SGO2: variants seen among roughly 807,000 people sequenced by gnomAD.
SGO2 encodes shugoshin-like 2.
In SGO2, 68 loss-of-function variants were observed where a neutral mutation model predicts 99.5. The observed-to-expected ratio is 0.68, with a 90% CI of 0.56 to 0.84. SGO2 has a LOEUF of 0.84. Among genes scored for constraint, SGO2 ranks in the 40% least tolerant of loss-of-function variants. The pLI, the probability that SGO2 is intolerant of heterozygous loss-of-function variation, is 0.00. For synonymous variants in SGO2, 457 were observed against 487.1 expected, an observed-to-expected ratio of 0.94 and a Z score of 0.81; for missense variants, 1,350 against 1,436.7, an observed-to-expected ratio of 0.94 and a Z score of 0.97.
At chr2:200,579,612 G>C in intron 8 of SGO2, among the ~76,000 whole-genome samples, 1 of 152,144 alleles carries the variant, frequency 6.6e-6, no homozygotes, top group East Asian at 1.9e-4. Context: ...CATTTATGAA[G>C]ATAGTAATAT....
At position 200,572,199 on chromosome 2, in the gene SGO2, G is replaced by A. The variant is rs761165751; in HGVS notation, c.1853G>A (p.Arg618Gln). The A allele has an allele frequency of 1.2e-5, 20 of 1,612,308 alleles. No individual in the cohort carries two copies. The highest frequency in any genetic ancestry group is 1.6e-4 in the Middle Eastern group (1 of 6,080). ...AATAAGCTTAGAAAGAAAGTAAACC[G>A]GAAGACAGAAATAATTTCTGGAATG... is the stretch of plus-strand genomic sequence containing the variant. ...NINKLRKKVNRKTEIISGMNH... is the reference protein window; with the variant it reads ...NINKLRKKVNQKTEIISGMNH... The change falls in exon 7 of 9, where the codon CGG becomes CAG. Residue 618 changes from arginine (R) to glutamine (Q), a missense_variant. Arg to Gln is a conservative substitution (Grantham distance 43). Transcript: ENST00000357799.
chr2:200,572,822 T>A lies in SGO2; in HGVS notation c.2476T>A (p.Tyr826Asn), dbSNP rs747079697. ...SEIIPETNQI[Y>N]ENDNKGVHDL... ...AATAATTCCTGAAACCAACCAAATA[T>A]ATGAGAATGATAACAAAGGTGTACA... Residue 826 changes from tyrosine to asparagine, a missense_variant, in exon 7 of 9, where the codon TAT becomes AAT. By Grantham distance (143) the Tyr-to-Asn change is moderately radical. Coordinates refer to ENST00000357799, the MANE Select transcript of SGO2 (RefSeq NM_152524.6). 1 of 1,611,698 alleles carries A rather than the reference T, an allele frequency of 6.2e-7. No homozygotes were observed. Among genetic ancestry groups the A allele is most frequent in the South Asian group, 1.1e-5 (1 of 90,532 alleles).
At chr2:200,542,489 A>G in intron 4 of SGO2, 90 bp from the exon 5 acceptor site, 2 of 903,646 alleles carry the variant, frequency 2.2e-6, no homozygotes, top group Non-Finnish European at 1.7e-6. Flanking sequence ...TTCTTTTACT[A>G]TTAATGTCAT....
intron 5 of SGO2, among the ~76,000 whole-genome samples, chr2:200,561,813 T>TG (rs1466139157): frequency 1.3e-5 from 2 of 152,228 alleles, no homozygotes; most frequent in African/African-American, 4.8e-5. Flanking sequence ...TGGCCAGTGA[T>TG]GATGAGCATT....
chr2:200,537,669 T>C (rs2106309338), intron 4 of SGO2, among the ~76,000 whole-genome samples: 1 of 152,278 alleles, frequency 6.6e-6, no homozygotes, highest in Admixed American at 6.5e-5. Context: ...CTTTTCTATC[T>C]ACATTCACTC....
At chr2:200,528,476 C>T (rs1359557592) in intron 1 of SGO2, among the ~76,000 whole-genome samples, 1 of 152,076 alleles carries the variant, frequency 6.6e-6, no homozygotes, top group Non-Finnish European at 1.5e-5. Flanking sequence ...ACTTTCTGAC[C>T]TGAGCAACTG....
At chr2:200,578,150 C>CTATAGATAAAGA (rs1553563618) in intron 8 of SGO2, among the ~76,000 whole-genome samples, 1 of 143,474 alleles carries the variant, frequency 7.0e-6, no homozygotes, top group African/African-American at 2.6e-5. Context: ...GTTGTCTTTT[C>CTATAGATAAAGA]TATAGATATA....
Position 200,570,510 on chromosome 2 carries a change from G to GTGTGTGTGT in SGO2, c.704-540_704-539insTGTGTGTGT, listed in dbSNP as rs397987331. Among the ~76,000 whole-genome samples the GTGTGTGTGT allele has an allele frequency of 6.7e-6, 1 of 148,380 alleles. No individual in the cohort carries two copies. The highest frequency in any genetic ancestry group is 2.5e-5 in the African/African-American group (1 of 40,182). ...TGTGTGTGTGTGTGTGTGTGTGTGT[G>GTGTGTGTGT]GGCATATGTATATGTATATAATATA... is the stretch of plus-strand genomic sequence containing the variant. On this transcript the variant is annotated intron_variant, in intron 6 of 8. Coordinates refer to ENST00000357799, the MANE Select transcript of SGO2 (RefSeq NM_152524.6). This position sits in a 1 kb window ranked among gnomAD's most constrained non-coding sequence, Gnocchi z 4.4.
rs1559204396 is a variant in SGO2, at chr2:200,547,146, C to CAT, written c.473+4483_473+4484insTA. On this transcript the variant is annotated intron_variant, in intron 5 of 8. Coordinates refer to ENST00000357799, the MANE Select transcript of SGO2 (RefSeq NM_152524.6). The stretch of plus-strand genomic sequence containing the variant: ...AATGAGAGATAAGAAGCAAATAACA[C>CAT]AAAGGAGCTCCAATTCATGGGGCAA... Among the ~76,000 whole-genome samples, 569 of 152,122 alleles carry CAT rather than the reference C, an allele frequency of 3.7e-3. 3 individuals are homozygous for CAT. The highest frequency in any genetic ancestry group is 0.013 in the African/African-American group (540 of 41,474).
intron 4 of SGO2, among the ~76,000 whole-genome samples, chr2:200,542,140 T>C (rs1057194935): frequency 1.3e-5 from 2 of 152,198 alleles, no homozygotes; most frequent in African/African-American, 4.8e-5. Flanking sequence ...AACATGTTTG[T>C]ATCTGAAAAT....
At chr2:200,545,317 G>T (rs916643951) in intron 5 of SGO2, among the ~76,000 whole-genome samples, 2 of 152,108 alleles carry the variant, frequency 1.3e-5, no homozygotes, top group Non-Finnish European at 2.9e-5. Flanking sequence ...TATTCTTCGT[G>T]TATCTTCTAC....
At chr2:200,561,671 AC>A (rs1372299360) in intron 5 of SGO2, among the ~76,000 whole-genome samples, 3 of 152,216 alleles carry the variant, frequency 2.0e-5, no homozygotes, top group African/African-American at 4.8e-5. Context: ...TTACAGTCCC[AC>A]CAACAGTGTA....
intron 1 of SGO2, among the ~76,000 whole-genome samples, chr2:200,527,151 G>A (rs1188048491): frequency 6.6e-6 from 1 of 152,162 alleles, no homozygotes; most frequent in Non-Finnish European, 1.5e-5. Flanking sequence ...CCCTTGGTGA[G>A]GTCATTGATG....
At chr2:200,538,311 G>A (rs1046889064) in intron 4 of SGO2, among the ~76,000 whole-genome samples, 6 of 152,112 alleles carry the variant, frequency 3.9e-5, no homozygotes, top group South Asian at 4.1e-4. Flanking sequence ...TCAGAGGTGA[G>A]CTGCTACCAT....
chr2:200,570,510 G>GTGT lies in SGO2; in HGVS notation c.704-540_704-539insTGT, dbSNP rs397987331. Among the ~76,000 whole-genome samples, 1 of 148,380 alleles carries GTGT rather than the reference G, an allele frequency of 6.7e-6. No individual in the cohort carries two copies. Among genetic ancestry groups the GTGT allele is most frequent in the Non-Finnish European group, 1.5e-5 (1 of 66,876 alleles). On this transcript the variant is annotated intron_variant, in intron 6 of 8. Coordinates refer to ENST00000357799, the MANE Select transcript of SGO2 (RefSeq NM_152524.6). The surrounding 1 kb of genome is among the most constrained non-coding windows in gnomAD (Gnocchi z 4.4). ...TGTGTGTGTGTGTGTGTGTGTGTGT[G>GTGT]GGCATATGTATATGTATATAATATA...
intron 5 of SGO2, among the ~76,000 whole-genome samples, chr2:200,557,742 T>C (rs577931176): frequency 6.6e-6 from 1 of 152,300 alleles, no homozygotes; most frequent in Admixed American, 6.5e-5. Flanking sequence ...ATTTTACTAT[T>C]TGTGAATAAG....
chr2:200,528,087 T>G (rs1275128659), intron 1 of SGO2, among the ~76,000 whole-genome samples: 1 of 152,182 alleles, frequency 6.6e-6, no homozygotes, highest in African/African-American at 2.4e-5. Flanking sequence ...AAGAGAAAGA[T>G]TAATGAAAAG....
At chr2:200,553,442 G>A (rs1417365497) in intron 5 of SGO2, among the ~76,000 whole-genome samples, 2 of 152,128 alleles carry the variant, frequency 1.3e-5, no homozygotes, top group African/African-American at 2.4e-5. Flanking sequence ...AACAGCCAGA[G>A]ACCACTGATG....
intron 5 of SGO2, among the ~76,000 whole-genome samples, chr2:200,563,234 C>T (rs1474264821): frequency 6.6e-6 from 1 of 152,138 alleles, no homozygotes; most frequent in Non-Finnish European, 1.5e-5. Context: ...TACATCCCAT[C>T]AATACCTAAT....
Sources: allele counts gnomAD v4.1 joint callset (sites outside exome capture counted in the v4.1 genomes callset), GRCh38; gene constraint gnomAD v4.1.1; non-coding constraint Gnocchi (gnomAD v3.1); transcripts MANE v1.5; gene names NCBI Gene and HGNC (gene_info 2026-07-23, HGNC 2026-07-21).